AMZ2: variants seen among roughly 807,000 people sequenced by gnomAD.
AMZ2 encodes archaemetzincin-2.
AMZ2 carries 26 observed loss-of-function variants against 36.7 expected under a neutral mutation model. The ratio of observed to expected loss-of-function variants is 0.71; its 90% CI spans 0.52 to 0.98. The LOEUF (loss-of-function observed/expected upper bound fraction) is 0.98. AMZ2 is among the 50% of genes least tolerant of loss of function. AMZ2 has a pLI of 0.00. For synonymous variants in AMZ2, 144 were observed against 149.1 expected, an observed-to-expected ratio of 0.97 and a Z score of 0.25; for missense variants, 394 against 430.5, an observed-to-expected ratio of 0.92 and a Z score of 0.75.
At chr17:68,216,739 G>C (rs2073203593) in intron 1 of AMZ2, among the ~76,000 whole-genome samples, 1 of 152,032 alleles carries the variant, frequency 6.6e-6, no homozygotes, top group South Asian at 2.1e-4. Flanking sequence ...GAGTATTTAT[G>C]AAATCTTTAG....
intron 1 of AMZ2, among the ~76,000 whole-genome samples, chr17:68,227,942 T>C (rs1555730290): frequency 6.6e-6 from 1 of 152,202 alleles, no homozygotes; most frequent in Non-Finnish European, 1.5e-5. Flanking sequence ...AAGACCCTTG[T>C]ATTCACAGGT....
chr17:68,231,928 A>G (rs1555731333), intron 1 of AMZ2, among the ~76,000 whole-genome samples: 1 of 152,158 alleles, frequency 6.6e-6, no homozygotes, highest in Non-Finnish European at 1.5e-5. Context: ...ATACTAAAAA[A>G]TCACTCATTG....
At position 68,250,052 on chromosome 17, in the gene AMZ2, A is replaced by C. The variant is rs1265461114; in HGVS notation, c.1-136A>C. On this transcript the variant is annotated intron_variant, in intron 1 of 6. Transcript: ENST00000359904. ...AAATTGGACATGAGGAAACCACTCT[A>C]AGTGTGACCACTCTAAAGCATTAGC... 4 of 919,470 alleles carry C rather than the reference A, an allele frequency of 4.4e-6. No individual in the cohort carries two copies. The African/African-American group carries it at 5.0e-5, about 12-fold the overall frequency. 57.0% of individuals were successfully genotyped at this position (919,470 alleles called of 1,614,324 possible).
At chr17:68,220,908 G>T (rs1424390935) in intron 1 of AMZ2, among the ~76,000 whole-genome samples, 3 of 151,100 alleles carry the variant, frequency 2.0e-5, no homozygotes, top group African/African-American at 7.3e-5. Flanking sequence ...TCAGCCTCTG[G>T]GGTAGCTGGG....
chr17:68,248,071 G>C lies in AMZ2; in HGVS notation c.-635G>C, dbSNP rs146536009. 2.4e-4 allele frequency: 233 copies of C among 986,238 alleles called. 1 individual carries two copies. The Middle Eastern group carries it at 2.6e-3, about 11-fold the overall frequency. 61.1% of individuals were successfully genotyped at this position (986,238 alleles called of 1,614,324 possible). On this transcript the variant is annotated 5_prime_UTR_variant, in exon 1 of 7. Transcript: ENST00000359904. ...GCGAAGGGACGCGGTGCGCATGCGCGTGAGGGCTGCCGCGGGTGGGTGGTA... is the reference window on the plus strand; with the variant it reads ...GCGAAGGGACGCGGTGCGCATGCGCCTGAGGGCTGCCGCGGGTGGGTGGTA...
intron 4 of AMZ2, 79 bp downstream of exon 4, chr17:68,251,257 C>G: frequency 7.4e-6 from 11 of 1,480,028 alleles, no homozygotes; most frequent in Non-Finnish European, 1.0e-5. Flanking sequence ...GGAAAAAATT[C>G]CAACCAAGAA....
intron 1 of AMZ2, among the ~76,000 whole-genome samples, chr17:68,213,234 C>T (rs1456696604): frequency 6.6e-6 from 1 of 152,166 alleles, no homozygotes; most frequent in Non-Finnish European, 1.5e-5. Flanking sequence ...GCACGCTGAA[C>T]GCCATGAAAA....
intron 1 of AMZ2, among the ~76,000 whole-genome samples, chr17:68,219,051 C>T (rs1215220617): frequency 2.7e-5 from 4 of 150,458 alleles, no homozygotes; most frequent in South Asian, 2.1e-4. Flanking sequence ...GGCCCAATCT[C>T]GGCTCACTGC....
chr17:68,239,966 T>G (rs1183013921), intron 1 of AMZ2, among the ~76,000 whole-genome samples: 2 of 152,198 alleles, frequency 1.3e-5, no homozygotes, highest in Admixed American at 6.5e-5. Flanking sequence ...GAAAAGACAT[T>G]TTATCCATGA....
intron 4 of AMZ2, 90 bp downstream of exon 4, chr17:68,251,268 T>A: frequency 7.3e-7 from 1 of 1,373,512 alleles, no homozygotes; most frequent in East Asian, 2.3e-5. Context: ...CAACCAAGAA[T>A]CATATTGATA....
intron 1 of AMZ2, among the ~76,000 whole-genome samples, chr17:68,213,817 CTT>C (rs1245540440): frequency 1.3e-5 from 2 of 151,580 alleles, no homozygotes; most frequent in Non-Finnish European, 2.9e-5. Flanking sequence ...CTCTTTGTCT[CTT>C]TTTCTTTTTG....
chr17:68,207,776 C>T (rs2072884912), intron 1 of AMZ2, among the ~76,000 whole-genome samples: 1 of 152,232 alleles, frequency 6.6e-6, no homozygotes, highest in South Asian at 2.1e-4. Context: ...AGCCCTTCAG[C>T]CCGCCACTGT....
chr17:68,251,432 A>T, intron 4 of AMZ2: 1 of 369,192 alleles, frequency 2.7e-6, no homozygotes, highest in South Asian at 3.1e-5. Flanking sequence ...TAATTTACAT[A>T]AAAGTGCCTG....
At chr17:68,209,604 G>GTGTATATATATATATATATATATATATA (rs1324576987) in intron 1 of AMZ2, among the ~76,000 whole-genome samples, 1 of 117,756 alleles carries the variant, frequency 8.5e-6, no homozygotes, top group Non-Finnish European at 1.7e-5. Context: ...GTGTGTGTGT[G>GTGTATATATATATATATATATATATATA]TATATGTATA....
chr17:68,210,458 C>T (rs1410546710), intron 1 of AMZ2, among the ~76,000 whole-genome samples: 1 of 152,162 alleles, frequency 6.6e-6, no homozygotes, highest in African/African-American at 2.4e-5. Context: ...TGTGATTCCA[C>T]TCATGAGGTA....
At chr17:68,213,267 A>C (rs1208039544) in intron 1 of AMZ2, among the ~76,000 whole-genome samples, 3 of 152,252 alleles carry the variant, frequency 2.0e-5, no homozygotes, top group Non-Finnish European at 2.9e-5. Context: ...GCCTCTTCAT[A>C]AGGAAATCAA....
chr17:68,234,112 A>G (rs2073732800), intron 1 of AMZ2, among the ~76,000 whole-genome samples: 1 of 151,792 alleles, frequency 6.6e-6, no homozygotes, highest in African/African-American at 2.4e-5. Context: ...CAGGCAGATC[A>G]CCTGAGGTCA....
intron 1 of AMZ2, among the ~76,000 whole-genome samples, chr17:68,238,203 C>A (rs1555733215): frequency 6.6e-6 from 1 of 152,064 alleles, no homozygotes; most frequent in Non-Finnish European, 1.5e-5. Flanking sequence ...CTTTTATTTT[C>A]TTTCTTTCTT....
intron 1 of AMZ2, among the ~76,000 whole-genome samples, chr17:68,226,868 G>A (rs1299038319): frequency 2.7e-5 from 4 of 150,270 alleles, no homozygotes; most frequent in Non-Finnish European, 5.9e-5. Flanking sequence ...AACATCAGGG[G>A]ACCAGCCTTA....
Sources: gnomAD v4.1 joint callset for allele counts (sites outside exome capture counted in the v4.1 genomes callset) on GRCh38, gnomAD v4.1.1 for gene constraint, MANE v1.5 for transcripts, NCBI Gene and HGNC (gene_info 2026-07-23, HGNC 2026-07-21) for gene names.